CRYBG3: variants seen among roughly 807,000 people sequenced by gnomAD.
CRYBG3 encodes crystallin beta-gamma domain containing 3, also known as very large A-kinase anchor protein.
A neutral mutation model predicts 244.2 loss-of-function variants in CRYBG3; 127 were observed. That is an observed-to-expected ratio of 0.52 (90% CI 0.45 to 0.60). The LOEUF (loss-of-function observed/expected upper bound fraction) is 0.60. CRYBG3 is among the 20% of genes least tolerant of loss of function. The pLI, the probability that CRYBG3 is intolerant of heterozygous loss-of-function variation, is 0.00. For synonymous variants in CRYBG3, 1,132 were observed against 1,195.8 expected (o/e 0.95, Z 1.10); for missense variants, 3,325 against 3,442.5 (o/e 0.97, Z 0.85).
chr3:97,911,676 C>G (rs181489726), intron 15 of CRYBG3, among the ~76,000 whole-genome samples: 14 of 152,320 alleles, frequency 9.2e-5, no homozygotes, highest in Non-Finnish European at 1.9e-4. Context: ...GGCATGTGCT[C>G]GTGCTCTCCT....
At chr3:97,939,865 C>A (rs993765994) in intron 19 of CRYBG3, among the ~76,000 whole-genome samples, 3 of 151,982 alleles carry the variant, frequency 2.0e-5, no homozygotes, top group African/African-American at 7.2e-5. Context: ...ATAATTTGTC[C>A]TTCTATTGGC....
At position 97,876,226 on chromosome 3, in the gene CRYBG3, G is replaced by T. The variant is rs555045443; in HGVS notation, c.5032G>T (p.Asp1678Tyr). The change falls in exon 4 of 22, where the codon GAT (aspartate) becomes TAT (tyrosine). Residue 1678 changes from aspartate (D) to tyrosine (Y), a missense_variant. Transcript: ENST00000389622. ...TATTTACCAAACGCATGCTGAAGGGGATATTGGCAAGACTGGGACGATAGC... is the reference window on the plus strand; with the variant it reads ...TATTTACCAAACGCATGCTGAAGGGTATATTGGCAAGACTGGGACGATAGC... ...ENIYQTHAEG[D>Y]IGKTGTIALS... is the part of the protein sequence containing the mutation. The T allele has an allele frequency of 1.1e-5, 13 of 1,232,046 alleles. No individual in the cohort carries two copies. Among genetic ancestry groups the T allele is most frequent in the Non-Finnish European group, 1.3e-5 (13 of 987,944 alleles). 76.3% of individuals were successfully genotyped at this position (1,232,046 alleles called of 1,614,324 possible).
chr3:97,933,313 T>A (rs1249988383), intron 17 of CRYBG3, among the ~76,000 whole-genome samples: 1 of 152,052 alleles, frequency 6.6e-6, no homozygotes, highest in African/African-American at 2.4e-5. Flanking sequence ...TGTGACCTCC[T>A]AGAAATTAGG....
Position 97,864,320 on chromosome 3 carries a change from A to G in CRYBG3, c.320A>G (p.Asp107Gly). The G allele has an allele frequency of 6.5e-7, 1 of 1,535,952 alleles. No homozygotes were observed. ...TATGATCTTTCCAGTTCCACTTCAG[A>G]TACCAAAATAGGAGAAAGTGACAGA... is the stretch of plus-strand genomic sequence containing the variant. The part of the protein sequence containing the change: ...KAYDLSSSTS[D>G]TKIGESDRQP... Residue 107 changes from aspartate (D) to glycine (G), a missense_variant, in exon 3 of 22, where the codon GAT becomes GGT. Asp to Gly is a moderately conservative substitution (Grantham distance 94). This residue lies in a region of CRYBG3 where 1,526 missense variants were observed against 1,443.2 expected (regional missense o/e 1.06). Coordinates refer to ENST00000389622, the MANE Select transcript of CRYBG3 (RefSeq NM_153605.4).
chr3:97,827,614 C>G (rs971321585), intron 1 of CRYBG3, among the ~76,000 whole-genome samples: 1 of 152,170 alleles, frequency 6.6e-6, no homozygotes, highest in Admixed American at 6.5e-5. Context: ...CAAAAACAAA[C>G]TAACCTTTAT....
intron 1 of CRYBG3, among the ~76,000 whole-genome samples, chr3:97,842,699 G>A (rs988018722): frequency 2.0e-5 from 3 of 152,102 alleles, no homozygotes; most frequent in Admixed American, 1.3e-4. Flanking sequence ...TCTGGAATAC[G>A]TTTGGGGCTA....
At chr3:97,885,708 C>T (rs1191122029) in intron 7 of CRYBG3, among the ~76,000 whole-genome samples, 2 of 152,092 alleles carry the variant, frequency 1.3e-5, no homozygotes, top group East Asian at 3.9e-4. Context: ...GTGGAGATAG[C>T]ATGAAGACCA....
chr3:97,920,517 A>G (rs1357574330), intron 17 of CRYBG3, among the ~76,000 whole-genome samples: 1 of 151,770 alleles, frequency 6.6e-6, no homozygotes, highest in East Asian at 1.9e-4. Flanking sequence ...GTTGAAAGCA[A>G]TCATCATTAC....
At position 97,910,237 on chromosome 3, in the gene CRYBG3, A is replaced by T. The variant is rs371932041; in HGVS notation, c.8005-1930A>T. Among the ~76,000 whole-genome samples the T allele has an allele frequency of 2.4e-4, 37 of 152,200 alleles. 3 individuals are homozygous for T. The East Asian group carries it at 3.3e-3, about 14-fold the overall frequency. On this transcript the variant is annotated intron_variant, in intron 15 of 21. Coordinates refer to ENST00000389622, the MANE Select transcript of CRYBG3 (RefSeq NM_153605.4). ...CCCTGCCCCCAGAGGTGGAGCCTAC[A>T]GAGGCAGGCAGGCCTCCTTGAGCTG...
chr3:97,911,079 T>C (rs2039866556), intron 15 of CRYBG3, among the ~76,000 whole-genome samples: 1 of 152,194 alleles, frequency 6.6e-6, no homozygotes, highest in African/African-American at 2.4e-5. Context: ...GAAGTAGTTT[T>C]CTCACCTCCC....
intron 1 of CRYBG3, among the ~76,000 whole-genome samples, chr3:97,833,342 A>T (rs1353184450): frequency 6.6e-6 from 1 of 152,260 alleles, no homozygotes; most frequent in Non-Finnish European, 1.5e-5. Context: ...GACTGGATAA[A>T]GAAAATGTGG....
chr3:97,935,960 CCTG>C lies in CRYBG3; in HGVS notation c.8382-821_8382-819del, dbSNP rs145385524. The stretch of plus-strand genomic sequence containing the variant: ...AGCACTGTGTACACTGACCTTGAGT[CCTG>C]CTGAGAATTTCAGGTGCTCTTAGTG... On this transcript the variant is annotated intron_variant, in intron 18 of 21. Transcript: ENST00000389622. Among the ~76,000 whole-genome samples the C allele has an allele frequency of 2.2e-4, 34 of 152,218 alleles. No homozygotes were observed. The East Asian group carries it at 6.2e-3, about 28-fold the overall frequency.
At chr3:97,888,117 T>G (rs1290653716) in intron 8 of CRYBG3, among the ~76,000 whole-genome samples, 1 of 152,200 alleles carries the variant, frequency 6.6e-6, no homozygotes, top group African/African-American at 2.4e-5. Context: ...TGTATCAGAC[T>G]TATTATAGGA....
rs1038485199 is a variant in CRYBG3 at position 97,875,261 on chromosome 3, G to C, written c.4067G>C (p.Arg1356Thr). Residue 1356 changes from arginine (R) to threonine (T), a missense_variant, in exon 4 of 22, where the codon AGA (arginine) becomes ACA (threonine). By Grantham distance (71) the Arg-to-Thr change is moderately conservative. Transcript: ENST00000389622. ...AGTGTTAAGCCACATGATGTAGTTAGAGAGTTCTTGGTTTCAGAACAGCCA... is the reference window on the plus strand; with the variant it reads ...AGTGTTAAGCCACATGATGTAGTTACAGAGTTCTTGGTTTCAGAACAGCCA... ...SDSVKPHDVV[R>T]EFLVSEQPVN... 11 of 1,489,316 alleles carry C rather than the reference G, an allele frequency of 7.4e-6. No homozygotes were observed. The highest frequency in any genetic ancestry group is 8.9e-6 in the Non-Finnish European group (10 of 1,128,046). The allele number at this position is 1,489,316 out of a possible 1,614,324, so 92.3% of individuals were successfully genotyped here. A position where few individuals can be genotyped will look rare whatever the true frequency, so the allele number is the denominator to read the frequency against.
At chr3:97,922,612 G>A (rs1299849261) in intron 17 of CRYBG3, among the ~76,000 whole-genome samples, 1 of 152,152 alleles carries the variant, frequency 6.6e-6, no homozygotes, top group East Asian at 1.9e-4. Context: ...GGCCATCAGA[G>A]AAATGCAAAT....
chr3:97,880,201 CCTT>C, intron 6 of CRYBG3, 101 bp downstream of exon 6: 1 of 596,990 alleles, frequency 1.7e-6, no homozygotes, highest in Non-Finnish European at 2.9e-6. Flanking sequence ...GTCATATTCT[CCTT>C]CCTCTACTTT....
intron 14 of CRYBG3, among the ~76,000 whole-genome samples, 169 bp from the exon 15 acceptor site, chr3:97,900,284 G>A (rs903792355): frequency 1.3e-5 from 2 of 152,052 alleles, no homozygotes; most frequent in African/African-American, 4.8e-5. Flanking sequence ...GAAGATCAAG[G>A]GTGCAGTGAG....
chr3:97,932,260 T>A (rs2040106205), intron 17 of CRYBG3, among the ~76,000 whole-genome samples: 1 of 152,064 alleles, frequency 6.6e-6, no homozygotes, highest in South Asian at 2.1e-4. Context: ...AATACGTTTT[T>A]CATACCATCC....
intron 3 of CRYBG3, among the ~76,000 whole-genome samples, chr3:97,865,367 A>G (rs1176437352): frequency 6.6e-6 from 1 of 152,180 alleles, no homozygotes; most frequent in Non-Finnish European, 1.5e-5. Flanking sequence ...GCCATCAAAA[A>G]TATTATAGTG....
Sources: allele counts gnomAD v4.1 joint callset (sites outside exome capture counted in the v4.1 genomes callset), GRCh38; gene constraint gnomAD v4.1.1; regional missense constraint gnomAD v4.1.1; transcripts MANE v1.5; gene names NCBI Gene and HGNC (gene_info 2026-07-23, HGNC 2026-07-21).